Variants in GPR4 observed in about 807,000 individuals in gnomAD.
GPR4 encodes the protein G-prodeshotein coupled receptor 4.
In GPR4, 11 loss-of-function variants were observed where a neutral mutation model predicts 17.8. The ratio of observed to expected loss-of-function variants is 0.62; its 90% CI spans 0.39 to 1.02. The LOEUF (loss-of-function observed/expected upper bound fraction) is 1.02. Ranked by LOEUF, GPR4 falls within the 50% of genes least tolerant of loss-of-function variation. The probability of loss-of-function intolerance (pLI) is 0.00; values close to 1 mark genes in which losing one functional copy is unlikely to be tolerated. For missense variants in GPR4, 364 were observed against 495.4 expected (o/e 0.73, Z 2.52); for synonymous variants, 219 against 222.8 (o/e 0.98, Z 0.15).
chr19:45,597,956 T>G (rs1163050446), intron 1 of GPR4, among the ~76,000 whole-genome samples: 1 of 152,136 alleles, frequency 6.6e-6, no homozygotes, highest in Non-Finnish European at 1.5e-5. Context: ...GTGGGTCCTG[T>G]GGAGATGGGA....
chr19:45,592,794 G>T, intron 1 of GPR4, 97 bp from the exon 2 acceptor site: 1 of 160,800 alleles, frequency 6.2e-6, no homozygotes. Flanking sequence ...GCAGAGACTG[G>T]ACACCCCAAC....
chr19:45,598,567 G>C (rs1232726124), intron 1 of GPR4, among the ~76,000 whole-genome samples: 1 of 152,064 alleles, frequency 6.6e-6, no homozygotes, highest in Non-Finnish European at 1.5e-5. Context: ...GGGGGGGAGG[G>C]GTGCCCAGAC....
chr19:45,597,463 C>A (rs1970069213), intron 1 of GPR4, among the ~76,000 whole-genome samples: 1 of 152,186 alleles, frequency 6.6e-6, no homozygotes, highest in South Asian at 2.1e-4. Flanking sequence ...ACCCTCTCCT[C>A]ACATCACCCT....
At chr19:45,594,060 AAAAATATAT>A (rs1568417134) in intron 1 of GPR4, among the ~76,000 whole-genome samples, 1 of 47,942 alleles carries the variant, frequency 2.1e-5, no homozygotes, top group Non-Finnish European at 3.7e-5. Context: ...AAAAAAAAAA[AAAAATATAT>A]ATATATATAT....
chr19:45,591,617 T>C lies in GPR4; in HGVS notation c.250A>G (p.Ile84Val), dbSNP rs1272435176. 3 of 1,613,632 alleles carry C rather than the reference T, an allele frequency of 1.9e-6. No individual in the cohort carries two copies. In the African/African-American group the frequency reaches 4.0e-5, roughly 22 times the overall value. The change falls in exon 2 of 2, where the codon ATC becomes GTC. Residue 84 changes from isoleucine to valine, a missense_variant. Coordinates refer to ENST00000323040, the MANE Select transcript of GPR4 (RefSeq NM_005282.3). This position sits in a 1 kb window ranked among gnomAD's most constrained non-coding sequence, Gnocchi z 7.6. ...AGCTTGCAGGACCCGGGGCCGTGGA[T>C]CCAGTTGTCGTGGTGCAGGAAGTAG... ...VDYFLHHDNW[I>V]HGPGSCKLFG... is the part of the protein sequence containing the mutation.
chr19:45,594,438 A>AG (rs1292251880), intron 1 of GPR4, among the ~76,000 whole-genome samples: 4 of 151,076 alleles, frequency 2.6e-5, no homozygotes, highest in African/African-American at 9.7e-5. Context: ...AAAAAAAAAA[A>AG]AAAAGAGATC....
rs1449768328 is a variant in GPR4, at chr19:45,590,988, G to A, written c.879C>T (p.Ala293=). The A allele has an allele frequency of 1.2e-6, 2 of 1,613,772 alleles. No homozygotes were observed. Among genetic ancestry groups the A allele is most frequent in the Non-Finnish European group, 1.7e-6 (2 of 1,180,042 alleles). The part of the protein sequence containing the change: ...PILYCLVNEG[A]RSDVAKALHN... ...GCAGGGCCTTGGCCACATCGCTGCG[G>A]GCGCCCTCGTTGACCAGGCAGTAGA... is the stretch of plus-strand genomic sequence containing the variant. Residue 293 remains alanine, a synonymous_variant, in exon 2 of 2, where the codon GCC becomes GCT. Transcript: ENST00000323040.
intron 1 of GPR4, among the ~76,000 whole-genome samples, chr19:45,597,752 A>C (rs1256559280): frequency 6.6e-6 from 1 of 151,730 alleles, no homozygotes; most frequent in East Asian, 1.9e-4. Flanking sequence ...CATGGGGAGG[A>C]GGGGGAAGGG....
intron 1 of GPR4, among the ~76,000 whole-genome samples, chr19:45,594,094 A>ATATATATTTTATATATATAT (rs1970032285): frequency 8.9e-6 from 1 of 112,964 alleles, no homozygotes; most frequent in Non-Finnish European, 1.6e-5. Flanking sequence ...ATATATATAT[A>ATATATATTTTATATATATAT]AAATAGATGC....
chr19:45,597,937 C>T (rs1970074846), intron 1 of GPR4, among the ~76,000 whole-genome samples: 1 of 152,186 alleles, frequency 6.6e-6, no homozygotes. Flanking sequence ...GACTCTTGGG[C>T]AGAAGCTTGT....
At chr19:45,594,145 G>A (rs965453459) in intron 1 of GPR4, among the ~76,000 whole-genome samples, 11 of 142,014 alleles carry the variant, frequency 7.7e-5, no homozygotes, top group African/African-American at 2.9e-4. Flanking sequence ...TTGAACTCCT[G>A]AGCTCAAGAG....
rs1969976826 is a variant in GPR4 at position 45,590,410 on chromosome 19, C to T, written c.*368G>A. On this transcript the variant is annotated 3_prime_UTR_variant, in exon 2 of 2. Coordinates refer to ENST00000323040, the MANE Select transcript of GPR4 (RefSeq NM_005282.3). ...AAAATTAGCCAGGCATGGTGGCTCA[C>T]ATTTGTGGTCCCAGCTACTCGGGAG... 1 of 198,514 alleles carries T rather than the reference C, an allele frequency of 5.0e-6. No homozygotes were observed. The allele number at this position is 198,514 out of a possible 1,614,324, so 12.3% of individuals were successfully genotyped here.
At chr19:45,601,368 G>A (rs1970110127) in intron 1 of GPR4, among the ~76,000 whole-genome samples, 2 of 152,172 alleles carry the variant, frequency 1.3e-5, no homozygotes, top group Admixed American at 1.3e-4. Flanking sequence ...GGAAGTAGGG[G>A]AGGAAGTCCA....
intron 1 of GPR4, among the ~76,000 whole-genome samples, chr19:45,595,699 G>A (rs866598304): frequency 7.3e-5 from 11 of 151,724 alleles, no homozygotes; most frequent in African/African-American, 2.4e-4. Context: ...CCATCCAGGG[G>A]TCTTTTGGTT....
chr19:45,596,207 T>C (rs1479705865), intron 1 of GPR4, among the ~76,000 whole-genome samples: 5 of 150,318 alleles, frequency 3.3e-5, no homozygotes, highest in South Asian at 2.1e-4. Flanking sequence ...TTTCTTCTTT[T>C]TTTTTTTTTT....
chr19:45,594,734 G>C (rs1970039846), intron 1 of GPR4, among the ~76,000 whole-genome samples: 1 of 144,348 alleles, frequency 6.9e-6, no homozygotes. Context: ...TGTAATCCCA[G>C]CACTTTGGGA....
At chr19:45,595,629 C>T (rs2122546223) in intron 1 of GPR4, among the ~76,000 whole-genome samples, 1 of 152,294 alleles carries the variant, frequency 6.6e-6, no homozygotes, top group Middle Eastern at 3.4e-3. Flanking sequence ...CCCTGACTAT[C>T]ATCAACCCCG....
chr19:45,597,890 T>G (rs1970074000), intron 1 of GPR4, among the ~76,000 whole-genome samples: 1 of 152,016 alleles, frequency 6.6e-6, no homozygotes, highest in South Asian at 2.1e-4. Context: ...CTGCCCCCTG[T>G]GGGGTCCTCA....
Position 45,591,301 on chromosome 19 carries a change from C to T in GPR4, c.566G>A (p.Gly189Asp), listed in dbSNP as rs1370574841. 8.7e-6 allele frequency: 14 copies of T among 1,612,506 alleles called. No homozygotes were observed. The highest frequency in any genetic ancestry group is 1.3e-5 in the African/African-American group (1 of 74,878). Reference protein sequence around the residue: ...AWMNLYRVFVGFLFPWALMLL... With the variant: ...AWMNLYRVFVDFLFPWALMLL... ...CATGAGCGCCCACGGGAAGAGGAAG[C>T]CCACGAACACCCGATAGAGGTTCAT... The change falls in exon 2 of 2, where the codon GGC (glycine) becomes GAC (aspartate). Residue 189 changes from glycine (G) to aspartate (D), a missense_variant. Gly to Asp is a moderately conservative substitution (Grantham distance 94). Coordinates refer to ENST00000323040, the MANE Select transcript of GPR4 (RefSeq NM_005282.3). This position sits in a 1 kb window ranked among gnomAD's most constrained non-coding sequence, Gnocchi z 7.6.
Sources: allele counts gnomAD v4.1 joint callset (sites outside exome capture counted in the v4.1 genomes callset), GRCh38; gene constraint gnomAD v4.1.1; non-coding constraint Gnocchi (gnomAD v3.1); transcripts MANE v1.5; gene names NCBI Gene and HGNC (gene_info 2026-07-23, HGNC 2026-07-21).